Variants in ZNF780B observed in about 807,000 individuals in gnomAD.
ZNF780B encodes zinc finger protein 780B.
ZNF780B carries 52 observed loss-of-function variants against 74.1 expected under a neutral mutation model. The ratio of observed to expected loss-of-function variants is 0.70; its 90% confidence interval spans 0.56 to 0.88. The LOEUF is 0.88. Ranked by LOEUF, ZNF780B falls within the 40% of genes least tolerant of loss-of-function variation. The pLI is 0.00. For missense variants in ZNF780B, 953 were observed against 1,007.6 expected, an observed-to-expected ratio of 0.95 and a Z score of 0.73; for synonymous variants, 315 against 324.3, an observed-to-expected ratio of 0.97 and a Z score of 0.31.
At position 40,033,763 on chromosome 19, in the gene ZNF780B, C is replaced by A. The variant is rs550945971; in HGVS notation, c.*594G>T. ...AGGGTTTGCTCACATTCTTTACATT[C>A]ATAGGGTTTCATGCCAGTATGAATT... On this transcript the variant is annotated 3_prime_UTR_variant, in exon 5 of 5. Coordinates refer to ENST00000434248, the MANE Select transcript of ZNF780B (RefSeq NM_001005851.3). The A allele has an allele frequency of 6.0e-6, 1 of 166,246 alleles. No homozygotes were observed. Among genetic ancestry groups the A allele is most frequent in the East Asian group, 1.8e-4 (1 of 5,506 alleles). The allele number at this position is 166,246 out of a possible 1,614,324, so 10.3% of individuals were successfully genotyped here.
In ZNF780B at chr19:40,031,689, G is replaced by GA; in HGVS notation, c.*2667_*2668insT. On this transcript the variant is annotated 3_prime_UTR_variant, in exon 5 of 5. Coordinates refer to ENST00000434248, the MANE Select transcript of ZNF780B (RefSeq NM_001005851.3). Reference sequence around the variant, plus strand: ...ATACAATCCAAAGGGTGCCAGTTTTGTACTGAGTACAGTGTCAGCCATATC... The same window carrying GA: ...ATACAATCCAAAGGGTGCCAGTTTTGATACTGAGTACAGTGTCAGCCATATC... 1 of 173,662 alleles carries GA rather than the reference G, an allele frequency of 5.8e-6. No homozygotes were observed. Among genetic ancestry groups the GA allele is most frequent in the Admixed American group, 5.7e-5 (1 of 17,616 alleles). The allele number at this position is 173,662 out of a possible 1,614,324, so 10.8% of individuals were successfully genotyped here.
Position 40,035,387 on chromosome 19 carries a change from T to G in ZNF780B, c.1472A>C (p.His491Pro), listed in dbSNP as rs757361010. Residue 491 changes from histidine to proline, a missense_variant, in exon 5 of 5, where the codon CAT (histidine) becomes CCT (proline). Coordinates refer to ENST00000434248, the MANE Select transcript of ZNF780B (RefSeq NM_001005851.3). ...AFSLLTQLAR[H>P]KNIHTGEKPF... is the part of the protein sequence containing the mutation. ...TTTCTCACCAGTATGAATGTTCTTA[T>G]GTCGAGCAAGCTGTGTCAGAAGACT... The G allele has an allele frequency of 3.1e-6, 5 of 1,614,222 alleles. No individual in the cohort carries two copies. Among genetic ancestry groups the G allele is most frequent in the Non-Finnish European group, 4.2e-6 (5 of 1,180,022 alleles).
At chr19:40,037,905 T>C (rs900267652) in intron 4 of ZNF780B, among the ~76,000 whole-genome samples, 1 of 149,418 alleles carries the variant, frequency 6.7e-6, no homozygotes, top group African/African-American at 2.4e-5. Context: ...TATATATATA[T>C]ATTTTTTTAA....
Position 40,034,467 on chromosome 19 carries a change from G to C in ZNF780B, c.2392C>G (p.Leu798Val), listed in dbSNP as rs1464278391. 6 of 1,613,300 alleles carry C rather than the reference G, an allele frequency of 3.7e-6. No individual in the cohort carries two copies. Among genetic ancestry groups the C allele is most frequent in the Non-Finnish European group, 5.1e-6 (6 of 1,179,804 alleles). ...KAFRLHLQLS[L>V]HQKLVQVRNP... ...CTCACCTGTACAAGTTTTTGATGCA[G>C]AGAAAGTTGTAGGTGAAGTCTAAAA... Residue 798 changes from leucine (L) to valine (V), a missense_variant, in exon 5 of 5, where the codon CTG (leucine) becomes GTG (valine). Coordinates refer to ENST00000434248, the MANE Select transcript of ZNF780B (RefSeq NM_001005851.3).
At chr19:40,046,758 G>C (rs1374179638) in intron 4 of ZNF780B, among the ~76,000 whole-genome samples, 1 of 152,210 alleles carries the variant, frequency 6.6e-6, no homozygotes, top group Admixed American at 6.5e-5. Flanking sequence ...TGACAGCAGT[G>C]ACTTTCTCAG....
intron 4 of ZNF780B, among the ~76,000 whole-genome samples, chr19:40,045,504 A>G (rs1972893377): frequency 6.6e-6 from 1 of 152,240 alleles, no homozygotes; most frequent in Non-Finnish European, 1.5e-5. Flanking sequence ...CAGTATATCA[A>G]AATGATACCT....
At position 40,034,494 on chromosome 19, in the gene ZNF780B, C is replaced by A. The variant is rs200538270; in HGVS notation, c.2365G>T (p.Ala789Ser). ...KPYECKECGK[A>S]FRLHLQLSLH... is the part of the protein sequence containing the mutation. ...GAAAGTTGTAGGTGAAGTCTAAAAG[C>A]CTTCCCACACTCCTTACATTCATAG... Residue 789 changes from alanine to serine, a missense_variant, in exon 5 of 5, where the codon GCT (alanine) becomes TCT (serine). Transcript: ENST00000434248. 5.6e-5 allele frequency: 91 copies of A among 1,613,812 alleles called. No homozygotes were observed. The African/African-American group carries it at 1.1e-3, about 19-fold the overall frequency.
In ZNF780B at chr19:40,036,475, A is replaced by G. The variant is rs745573528; in HGVS notation, c.384T>C (p.Phe128=). 6.2e-7 allele frequency: 1 copy of G among 1,610,566 alleles called. No homozygotes were observed. The highest frequency in any genetic ancestry group is 8.5e-7 in the Non-Finnish European group (1 of 1,179,122). The stretch of plus-strand genomic sequence containing the variant: ...CTTCTTGATGTCCCTGTCGTCCCTC[A>G]AATCTACTTCTATATTCTGAGTCAT... ...FRNDSEYRSR[F]EGRQGHQEGY... The change falls in exon 5 of 5, where the codon TTT becomes TTC. Residue 128 remains phenylalanine, a synonymous_variant. Transcript: ENST00000434248.
Position 40,034,986 on chromosome 19 carries a change from G to A in ZNF780B, c.1873C>T (p.His625Tyr), listed in dbSNP as rs1972184233. Residue 625 changes from histidine (H) to tyrosine (Y), a missense_variant, in exon 5 of 5, where the codon CAC becomes TAC. Physicochemically the swap from His to Tyr is moderately conservative, Grantham distance 83. Transcript: ENST00000434248. Reference sequence around the variant, plus strand: ...TTCTTATGGTGATTAAGCTGGGTGTGAAGACTGAAGGCCTTGCCACATTCC... The same window carrying A: ...TTCTTATGGTGATTAAGCTGGGTGTAAAGACTGAAGGCCTTGCCACATTCC... ...CKECGKAFSL[H>Y]TQLNHHKNIH... 2 of 1,613,830 alleles carry A rather than the reference G, an allele frequency of 1.2e-6. No individual in the cohort carries two copies. The highest frequency in any genetic ancestry group is 1.1e-5 in the South Asian group (1 of 91,072).
In ZNF780B at chr19:40,050,365, T is replaced by A. The variant is rs1421950261; in HGVS notation, c.-33A>T. 9 of 1,588,296 alleles carry A rather than the reference T, an allele frequency of 5.7e-6. No individual in the cohort carries two copies. The highest frequency in any genetic ancestry group is 7.7e-6 in the Non-Finnish European group (9 of 1,173,346). ...GAATTACAAAATTGGTCAATCTTCC[T>A]CGGGCTTCTCCCCTGGAAAACAACA... is the stretch of plus-strand genomic sequence containing the variant. On this transcript the variant is annotated 5_prime_UTR_variant, in exon 2 of 5. Transcript: ENST00000434248.
rs1198552401 is a variant in ZNF780B at position 40,029,278 on chromosome 19, T to C, written c.*5079A>G. On this transcript the variant is annotated 3_prime_UTR_variant, in exon 5 of 5. Transcript: ENST00000434248. ...CTTGTGTCTACTTTTTCTTCTTTTC[T>C]GGGGAGTCTATGAACATTCAAGATA... The C allele has an allele frequency of 6.6e-6, 1 of 152,600 alleles. No homozygotes were observed. The highest frequency in any genetic ancestry group is 1.5e-5 in the Non-Finnish European group (1 of 68,200). The allele number at this position is 152,600 out of a possible 1,614,324, so 9.5% of individuals were successfully genotyped here.
intron 4 of ZNF780B, among the ~76,000 whole-genome samples, chr19:40,043,869 C>T (rs1424033947): frequency 2.0e-5 from 3 of 152,236 alleles, no homozygotes; most frequent in Non-Finnish European, 4.4e-5. Flanking sequence ...TGAGGCAATG[C>T]CTCGCCCTGC....
chr19:40,048,745 C>T lies in ZNF780B; in HGVS notation c.61G>A (p.Glu21Lys), dbSNP rs1973063638. 1 of 1,614,142 alleles carries T rather than the reference C, an allele frequency of 6.2e-7. No homozygotes were observed. The highest frequency in any genetic ancestry group is 2.2e-5 in the East Asian group (1 of 44,862). ...VAIDFSQEEWECLQPDQRTLY... is the reference protein window; with the variant it reads ...VAIDFSQEEWKCLQPDQRTLY... ...GTCCTCTGATCAGGCTGCAGGCACT[C>T]CCACTCCTCCTGAGAGAAGTCAATG... The change falls in exon 3 of 5, where the codon GAG (glutamate) becomes AAG (lysine). Residue 21 changes from glutamate to lysine, a missense_variant. Coordinates refer to ENST00000434248, the MANE Select transcript of ZNF780B (RefSeq NM_001005851.3).
chr19:40,040,441 G>A (rs1329265577), intron 4 of ZNF780B, among the ~76,000 whole-genome samples: 1 of 152,198 alleles, frequency 6.6e-6, no homozygotes, highest in African/African-American at 2.4e-5. Context: ...AGTTAGGGAG[G>A]ATTCCCTCTT....
Position 40,028,590 on chromosome 19 carries a change from T to A in ZNF780B, c.*5767A>T, listed in dbSNP as rs1486433842. 1.3e-5 allele frequency: 2 copies of A among 152,220 alleles called. No individual in the cohort carries two copies. The highest frequency in any genetic ancestry group is 3.9e-4 in the East Asian group (2 of 5,192). The allele number at this position is 152,220 out of a possible 1,614,324, so 9.4% of individuals were successfully genotyped here. Reference sequence around the variant, plus strand: ...CTTTTTACATGTGACAATCTAGTTGTAGCGTTTAAGATTAAATTTGGTTGT... The same window carrying A: ...CTTTTTACATGTGACAATCTAGTTGAAGCGTTTAAGATTAAATTTGGTTGT... On this transcript the variant is annotated 3_prime_UTR_variant, in exon 5 of 5. Coordinates refer to ENST00000434248, the MANE Select transcript of ZNF780B (RefSeq NM_001005851.3).
Position 40,036,464 on chromosome 19 carries a change from T to C in ZNF780B, c.395A>G (p.Gln132Arg), listed in dbSNP as rs753338000. ...GTTGATATATCCTTCTTGATGTCCC[T>C]GTCGTCCCTCAAATCTACTTCTATA... The part of the protein sequence containing the change: ...SEYRSRFEGR[Q>R]GHQEGYINQK... The change falls in exon 5 of 5, where the codon CAG becomes CGG. Residue 132 changes from glutamine to arginine, a missense_variant. Transcript: ENST00000434248. 2.5e-6 allele frequency: 4 copies of C among 1,610,546 alleles called. No homozygotes were observed. Among genetic ancestry groups the C allele is most frequent in the Non-Finnish European group, 3.4e-6 (4 of 1,179,180 alleles).
intron 4 of ZNF780B, among the ~76,000 whole-genome samples, chr19:40,043,523 G>A (rs1270169036): frequency 2.0e-5 from 3 of 152,262 alleles, no homozygotes; most frequent in Non-Finnish European, 4.4e-5. Flanking sequence ...GCCTACAGAG[G>A]CAGGCAGTCC....
Sources: gnomAD v4.1 joint callset for allele counts (sites outside exome capture counted in the v4.1 genomes callset) on GRCh38, gnomAD v4.1.1 for gene constraint, MANE v1.5 for transcripts, NCBI Gene and HGNC (gene_info 2026-07-23, HGNC 2026-07-21) for gene names.